RXFP2: variants seen among roughly 807,000 people sequenced by gnomAD.
The protein encoded by RXFP2 is relaxin family peptide receptor 2.
In RXFP2, 68 loss-of-function variants were observed where a neutral mutation model predicts 88.6. The observed-to-expected ratio is 0.77, with a 90% CI of 0.63 to 0.94. The LOEUF (loss-of-function observed/expected upper bound fraction) is 0.94. Ranked by LOEUF, RXFP2 falls within the 40% of genes least tolerant of loss-of-function variation. RXFP2 has a pLI of 0.00. For synonymous variants in RXFP2, 329 were observed against 306.8 expected, an observed-to-expected ratio of 1.07 and a Z score of -0.76; for missense variants, 791 against 893.9, an observed-to-expected ratio of 0.88 and a Z score of 1.47.
chr13:31,779,126 CTTT>C (rs1167145629), intron 9 of RXFP2, among the ~76,000 whole-genome samples: 7 of 120,804 alleles, frequency 5.8e-5, no homozygotes, highest in Non-Finnish European at 3.5e-5. Context: ...TTGGGCTTGT[CTTT>C]TTTTTTTTTT....
At chr13:31,763,137 G>T (rs1470374165) in intron 3 of RXFP2, among the ~76,000 whole-genome samples, 1 of 146,678 alleles carries the variant, frequency 6.8e-6, no homozygotes, top group Non-Finnish European at 1.5e-5. Context: ...AGGATGGAGT[G>T]CAGTGATACA....
intron 1 of RXFP2, among the ~76,000 whole-genome samples, chr13:31,755,701 C>A (rs900348075): frequency 6.6e-6 from 1 of 152,120 alleles, no homozygotes; most frequent in African/African-American, 2.4e-5. Context: ...CCTCTCCCTG[C>A]GTGAACAGGT....
At chr13:31,746,813 T>G (rs1871441859) in intron 1 of RXFP2, among the ~76,000 whole-genome samples, 1 of 152,034 alleles carries the variant, frequency 6.6e-6, no homozygotes, top group African/African-American at 2.4e-5. Flanking sequence ...TTTCCTTTCA[T>G]GTAAACCCAT....
chr13:31,774,721 A>G, intron 6 of RXFP2, 30 bp downstream of exon 6: 1 of 1,184,380 alleles, frequency 8.4e-7, no homozygotes. Flanking sequence ...TATTGTAGGT[A>G]TAATTTTAAG....
chr13:31,786,446 A>G lies in RXFP2; in HGVS notation c.993A>G (p.Leu331=), dbSNP rs9549106. The G allele has an allele frequency of 0.13, 214,841 of 1,597,716 alleles. 14,851 individuals are homozygous for G. Among genetic ancestry groups the G allele is most frequent in the East Asian group, 0.19 (8,652 of 44,760 alleles). Residue 331 remains leucine (L), a synonymous_variant, in exon 12 of 18, where the codon CTA becomes CTG. Transcript: ENST00000298386. ...SPHLFKDLKL[L]QKLNLSSNPL... is the part of the protein sequence containing the mutation. ...ACCTTTTTAAAGACTTGAAGCTTCT[A>G]CAAAAGCTGTAAGTTCTACTTCTCA... is the stretch of plus-strand genomic sequence containing the variant.
intron 17 of RXFP2, among the ~76,000 whole-genome samples, chr13:31,797,855 T>C (rs1433492772): frequency 1.3e-5 from 2 of 152,194 alleles, no homozygotes; most frequent in Non-Finnish European, 2.9e-5. Context: ...CCATAAAATG[T>C]CATGCTGGGC....
intron 1 of RXFP2, among the ~76,000 whole-genome samples, chr13:31,741,633 T>C (rs1871227267): frequency 6.6e-6 from 1 of 152,164 alleles, no homozygotes; most frequent in African/African-American, 2.4e-5. Context: ...CGTCTTTTCT[T>C]CTCTGACCAT....
chr13:31,742,572 C>T (rs1302759107), intron 1 of RXFP2, among the ~76,000 whole-genome samples: 2 of 152,082 alleles, frequency 1.3e-5, no homozygotes, highest in East Asian at 1.9e-4. Flanking sequence ...TCTCTGAAGA[C>T]GCCAGCTAAA....
rs116964531 is a variant in RXFP2 at position 31,754,245 on chromosome 13, A to T, written c.95-4013A>T. 2.6e-4 allele frequency among the ~76,000 whole-genome samples: 39 copies of T among 152,344 alleles called. No individual in the cohort carries two copies. In the East Asian group the frequency reaches 7.3e-3, roughly 29 times the overall value. The stretch of plus-strand genomic sequence containing the variant: ...TAGGTCCAGCCCTCAAAGAACTCAC[A>T]GTCAGCTGGGCGCAGTGGCTCACAC... On this transcript the variant is annotated intron_variant, in intron 1 of 17. Transcript: ENST00000298386.
chr13:31,751,082 G>A (rs1454798845), intron 1 of RXFP2, among the ~76,000 whole-genome samples: 2 of 152,116 alleles, frequency 1.3e-5, no homozygotes, highest in African/African-American at 4.8e-5. Flanking sequence ...CTGAGGTCAG[G>A]AGTTCAAGAC....
intron 5 of RXFP2, among the ~76,000 whole-genome samples, chr13:31,774,338 T>C (rs1486597827): frequency 6.6e-6 from 1 of 152,164 alleles, no homozygotes; most frequent in African/African-American, 2.4e-5. Flanking sequence ...GTCACCATAG[T>C]GCCAGTTTGC....
At chr13:31,758,842 A>G (rs1872105982) in intron 2 of RXFP2, among the ~76,000 whole-genome samples, 2 of 152,134 alleles carry the variant, frequency 1.3e-5, no homozygotes, top group Non-Finnish European at 2.9e-5. Context: ...GTTCGAGATC[A>G]GCCTGGCCAA....
chr13:31,792,216 A>T (rs1283223363), intron 15 of RXFP2, among the ~76,000 whole-genome samples, 181 bp downstream of exon 15: 2 of 152,096 alleles, frequency 1.3e-5, no homozygotes, highest in African/African-American at 2.4e-5. Context: ...AGGTTGTATG[A>T]CCTTACAGTG....
At chr13:31,780,695 C>T (rs761014750) in intron 9 of RXFP2, among the ~76,000 whole-genome samples, 2 of 152,174 alleles carry the variant, frequency 1.3e-5, no homozygotes, top group Admixed American at 6.5e-5. Flanking sequence ...TTCTTAGTCC[C>T]CCGCATTGCT....
At chr13:31,799,001 T>C (rs1404101899) in intron 17 of RXFP2, among the ~76,000 whole-genome samples, 1 of 152,210 alleles carries the variant, frequency 6.6e-6, no homozygotes, top group Non-Finnish European at 1.5e-5. Flanking sequence ...AACTGCCTCA[T>C]AGCGACACTA....
chr13:31,759,434 A>AAGG (rs1402144816), intron 2 of RXFP2, among the ~76,000 whole-genome samples: 1 of 136,630 alleles, frequency 7.3e-6, no homozygotes, highest in Non-Finnish European at 1.6e-5. Flanking sequence ...AGAAAGAAAG[A>AAGG]AAGAAAGAAA....
At chr13:31,762,171 A>G (rs1872330207) in intron 3 of RXFP2, among the ~76,000 whole-genome samples, 1 of 152,270 alleles carries the variant, frequency 6.6e-6, no homozygotes, top group Admixed American at 6.5e-5. Flanking sequence ...GTAGCAGGAA[A>G]GACAGCTCCT....
chr13:31,790,169 C>CT (rs1873728923), intron 14 of RXFP2, among the ~76,000 whole-genome samples: 1 of 152,158 alleles, frequency 6.6e-6, no homozygotes, highest in South Asian at 2.1e-4. Flanking sequence ...CCTACTTACT[C>CT]TTCTTTCATA....
At chr13:31,790,620 T>C (rs1279768128) in intron 14 of RXFP2, among the ~76,000 whole-genome samples, 1 of 152,228 alleles carries the variant, frequency 6.6e-6, no homozygotes, top group Non-Finnish European at 1.5e-5. Context: ...AGGATGTCTG[T>C]GCCTGAGAGC....
Sources: gnomAD v4.1 joint callset for allele counts (sites outside exome capture counted in the v4.1 genomes callset) on GRCh38, gnomAD v4.1.1 for gene constraint, MANE v1.5 for transcripts, NCBI Gene and HGNC (gene_info 2026-07-23, HGNC 2026-07-21) for gene names.